ROR2: variants seen among roughly 807,000 people sequenced by gnomAD.
ROR2 encodes ROR family WNT receptor 2.
A neutral mutation model predicts 74.9 loss-of-function variants in ROR2; 33 were observed. The observed-to-expected ratio is 0.44, with a 90% CI of 0.33 to 0.59. The LOEUF is 0.59. ROR2 is among the 20% of genes least tolerant of loss of function. The pLI is 0.02. For missense variants in ROR2, 1,216 were observed against 1,313.8 expected, an observed-to-expected ratio of 0.93 and a Z score of 1.15; for synonymous variants, 586 against 558.7, an observed-to-expected ratio of 1.05 and a Z score of -0.69.
chr9:91,807,423 T>G (rs1175825174), intron 1 of ROR2, among the ~76,000 whole-genome samples: 4 of 152,246 alleles, frequency 2.6e-5, no homozygotes, highest in Non-Finnish European at 5.9e-5. Context: ...TGGCTGTTCA[T>G]CTGGATCCTT....
rs142386992 is a variant in ROR2, at chr9:91,724,414, A to G, written c.2080T>C (p.Cys694Arg). The change falls in exon 9 of 9, where the codon TGC becomes CGC. Residue 694 changes from cysteine to arginine, a missense_variant. Transcript: ENST00000375708. Reference protein sequence around the residue: ...EVFSYGLQPYCGYSNQDVVEM... With the variant: ...EVFSYGLQPYRGYSNQDVVEM... Reference sequence around the variant, plus strand: ...ACCACATCCTGGTTGGAGTACCCGCAGTAGGGCTGCAGGCCGTAGCTGAAG... The same window carrying G: ...ACCACATCCTGGTTGGAGTACCCGCGGTAGGGCTGCAGGCCGTAGCTGAAG... The G allele has an allele frequency of 8.7e-5, 141 of 1,614,074 alleles. No individual in the cohort carries two copies. The highest frequency in any genetic ancestry group is 1.1e-4 in the Non-Finnish European group (133 of 1,180,038).
intron 1 of ROR2, among the ~76,000 whole-genome samples, chr9:91,802,743 G>A (rs1281606047): frequency 6.6e-6 from 1 of 152,108 alleles, no homozygotes; most frequent in African/African-American, 2.4e-5. Context: ...AGAAAGCCAA[G>A]GTGGAAAGAA....
intron 1 of ROR2, among the ~76,000 whole-genome samples, chr9:91,853,550 T>G (rs922498368): frequency 6.6e-5 from 10 of 152,126 alleles, no homozygotes; most frequent in Non-Finnish European, 7.4e-5. Flanking sequence ...GAGACTCAGG[T>G]GGGTGCAGGA....
intron 1 of ROR2, among the ~76,000 whole-genome samples, chr9:91,825,027 G>A (rs1261664362): frequency 1.3e-5 from 2 of 152,228 alleles, no homozygotes; most frequent in African/African-American, 4.8e-5. Flanking sequence ...CACAGGGCTG[G>A]GCTGTCAATG....
intron 1 of ROR2, among the ~76,000 whole-genome samples, chr9:91,917,938 G>A (rs1364130004): frequency 6.6e-6 from 1 of 152,200 alleles, no homozygotes; most frequent in Non-Finnish European, 1.5e-5. Context: ...TGGTGTCCCA[G>A]TAACCTCCAC....
At chr9:91,779,862 C>A (rs1285234609) in intron 1 of ROR2, among the ~76,000 whole-genome samples, 5 of 152,186 alleles carry the variant, frequency 3.3e-5, no homozygotes. Context: ...GATTTTTCAG[C>A]TGAGTCCTAC....
At chr9:91,883,831 A>G (rs1262454976) in intron 1 of ROR2, among the ~76,000 whole-genome samples, 2 of 152,006 alleles carry the variant, frequency 1.3e-5, no homozygotes, top group African/African-American at 4.8e-5. Flanking sequence ...TTAAATCACC[A>G]CCAAAATCCC....
intron 1 of ROR2, among the ~76,000 whole-genome samples, chr9:91,892,917 T>C (rs1830457901): frequency 2.0e-5 from 3 of 152,174 alleles, no homozygotes; most frequent in Admixed American, 1.3e-4. Context: ...TGTACTATCC[T>C]TGTGAGGGCC....
intron 1 of ROR2, among the ~76,000 whole-genome samples, chr9:91,864,826 C>T (rs55864279): frequency 0.28 from 43,170 of 152,140 alleles, 6,555 homozygotes; most frequent in Admixed American, 0.43. Flanking sequence ...ACATCTTGGT[C>T]GGTCCAACTG....
At chr9:91,823,955 C>A (rs1295364883) in intron 1 of ROR2, among the ~76,000 whole-genome samples, 1 of 152,248 alleles carries the variant, frequency 6.6e-6, no homozygotes, top group Non-Finnish European at 1.5e-5. Context: ...TGTTGCTGTT[C>A]TTCCATGCCT....
intron 2 of ROR2, among the ~76,000 whole-genome samples, chr9:91,765,762 T>C (rs1826041652): frequency 6.6e-6 from 1 of 152,202 alleles, no homozygotes; most frequent in Admixed American, 6.5e-5. Context: ...TTTGGTTCTG[T>C]AGAGCCCATG....
At chr9:91,874,499 G>A (rs76413166) in intron 1 of ROR2, among the ~76,000 whole-genome samples, 3,580 of 152,262 alleles carry the variant, frequency 0.024, 134 homozygotes, top group African/African-American at 0.081. Context: ...AAAAAAATCC[G>A]TGTTCGAAAG....
chr9:91,918,270 A>T (rs1831186676), intron 1 of ROR2, among the ~76,000 whole-genome samples: 1 of 151,982 alleles, frequency 6.6e-6, no homozygotes, highest in Non-Finnish European at 1.5e-5. Context: ...TCTCAAAAAA[A>T]AAAAAAAAAG....
At chr9:91,849,517 A>G (rs963271799) in intron 1 of ROR2, among the ~76,000 whole-genome samples, 7 of 152,236 alleles carry the variant, frequency 4.6e-5, no homozygotes, top group Non-Finnish European at 1.0e-4. Flanking sequence ...CCACATGGCC[A>G]TGTTCATATG....
chr9:91,725,694 A>G (rs1383948129), intron 8 of ROR2, among the ~76,000 whole-genome samples: 1 of 152,158 alleles, frequency 6.6e-6, no homozygotes, highest in Non-Finnish European at 1.5e-5. Context: ...ATGTTCCTGG[A>G]AAGAGTACCC....
At chr9:91,834,668 A>G (rs1200924249) in intron 1 of ROR2, among the ~76,000 whole-genome samples, 1 of 152,198 alleles carries the variant, frequency 6.6e-6, no homozygotes, top group Non-Finnish European at 1.5e-5. Flanking sequence ...TCCAACATGA[A>G]AAACCTAAGT....
intron 2 of ROR2, among the ~76,000 whole-genome samples, chr9:91,774,316 C>T (rs924600230): frequency 6.6e-6 from 1 of 152,180 alleles, no homozygotes; most frequent in Admixed American, 6.5e-5. Context: ...AAACAACTGA[C>T]CTCCATGAGG....
At chr9:91,852,320 C>T (rs7865855) in intron 1 of ROR2, among the ~76,000 whole-genome samples, 71,946 of 151,942 alleles carry the variant, frequency 0.47, 19,474 homozygotes, top group African/African-American at 0.74. Context: ...TGTATACTTA[C>T]CATTTGCTTA....
At chr9:91,864,549 A>G (rs1280687913) in intron 1 of ROR2, among the ~76,000 whole-genome samples, 1 of 152,246 alleles carries the variant, frequency 6.6e-6, no homozygotes, top group Non-Finnish European at 1.5e-5. Context: ...ACGCTGCCAT[A>G]GATCAAAGCA....
Sources: allele counts gnomAD v4.1 joint callset (sites outside exome capture counted in the v4.1 genomes callset), GRCh38; gene constraint gnomAD v4.1.1; transcripts MANE v1.5; gene names NCBI Gene and HGNC (gene_info 2026-07-23, HGNC 2026-07-21).